Variants in SLIT2 observed in about 807,000 individuals in gnomAD.
SLIT2 encodes slit homolog 2 protein.
In SLIT2, 41 loss-of-function variants were observed where a neutral mutation model predicts 185.7. That is an observed-to-expected ratio of 0.22 (90% CI 0.17 to 0.29). The LOEUF (loss-of-function observed/expected upper bound fraction) is 0.29. Among genes scored for constraint, SLIT2 ranks in the 10% least tolerant of loss-of-function variants. The pLI, the probability that SLIT2 is intolerant of heterozygous loss-of-function variation, is 1.00. For synonymous variants in SLIT2, 693 were observed against 680.2 expected (o/e 1.02, Z -0.29); for missense variants, 1,571 against 1,909.0 (o/e 0.82, Z 3.30).
intron 24 of SLIT2, among the ~76,000 whole-genome samples, chr4:20,549,663 T>G (rs1560186784): frequency 6.6e-6 from 1 of 151,944 alleles, no homozygotes; most frequent in Admixed American, 6.6e-5. Flanking sequence ...CAGATATTAA[T>G]AGGATCTGTT....
At chr4:20,440,881 C>T (rs1252027450) in intron 4 of SLIT2, among the ~76,000 whole-genome samples, 2 of 152,096 alleles carry the variant, frequency 1.3e-5, no homozygotes, top group East Asian at 1.9e-4. Flanking sequence ...GAGGAGTCAT[C>T]GTACCCAAAC....
At chr4:20,561,988 G>C (rs1218640134) in intron 26 of SLIT2, among the ~76,000 whole-genome samples, 2 of 151,638 alleles carry the variant, frequency 1.3e-5, no homozygotes, top group Non-Finnish European at 2.9e-5. Flanking sequence ...TGTAATTTTG[G>C]CTCAGGAAGT....
intron 11 of SLIT2, among the ~76,000 whole-genome samples, chr4:20,515,113 G>A (rs1720087401): frequency 6.6e-6 from 1 of 152,162 alleles, no homozygotes; most frequent in Non-Finnish European, 1.5e-5. Context: ...AGGACACTAG[G>A]TGGCTGTGTT....
At chr4:20,463,622 C>A (rs1232235845) in intron 4 of SLIT2, among the ~76,000 whole-genome samples, 2 of 148,868 alleles carry the variant, frequency 1.3e-5, no homozygotes, top group Non-Finnish European at 3.0e-5. Context: ...CGCCTGTAAT[C>A]CTAGTATTTT....
rs73803873 is a variant in SLIT2 at position 20,318,659 on chromosome 4, A to C, written c.395+49778A>C. 9.0e-3 allele frequency among the ~76,000 whole-genome samples: 1,365 copies of C among 152,072 alleles called. 20 individuals are homozygous for C. Among genetic ancestry groups the C allele is most frequent in the African/African-American group, 0.031 (1,298 of 41,504 alleles). On this transcript the variant is annotated intron_variant, in intron 4 of 36. Coordinates refer to ENST00000504154, the MANE Select transcript of SLIT2 (RefSeq NM_004787.4). ...GTCATTTTTTTTTCCTTCTCAGTTC[A>C]GGCTACTTGGATAATAGCTCACTTT... is the stretch of plus-strand genomic sequence containing the variant.
intron 4 of SLIT2, among the ~76,000 whole-genome samples, chr4:20,427,036 C>T (rs1292606499): frequency 2.0e-5 from 3 of 152,106 alleles, no homozygotes; most frequent in African/African-American, 7.2e-5. Context: ...TATGGTATAG[C>T]TGTCCTGAGC....
chr4:20,608,339 A>G (rs1728946912), intron 33 of SLIT2, among the ~76,000 whole-genome samples: 1 of 152,192 alleles, frequency 6.6e-6, no homozygotes, highest in Admixed American at 6.5e-5. Context: ...TACAGAGTCT[A>G]TATGCTTAAC....
chr4:20,499,751 G>A (rs925408797), intron 9 of SLIT2, among the ~76,000 whole-genome samples: 1 of 152,068 alleles, frequency 6.6e-6, no homozygotes, highest in Non-Finnish European at 1.5e-5. Flanking sequence ...GCCTCCCAAA[G>A]TGCTGGGATT....
chr4:20,434,714 T>C (rs1442017639), intron 4 of SLIT2, among the ~76,000 whole-genome samples: 2 of 152,166 alleles, frequency 1.3e-5, no homozygotes, highest in East Asian at 1.9e-4. Context: ...GATGTTTTAA[T>C]TGGGGGCTGA....
rs147191079 is a variant in SLIT2, at chr4:20,322,486, T to C, written c.395+53605T>C. Among the ~76,000 whole-genome samples, 961 of 152,288 alleles carry C rather than the reference T, an allele frequency of 6.3e-3. 3 individuals carry two copies. Among genetic ancestry groups the C allele is most frequent in the Non-Finnish European group, 8.9e-3 (608 of 68,010 alleles). On this transcript the variant is annotated intron_variant, in intron 4 of 36. Coordinates refer to ENST00000504154, the MANE Select transcript of SLIT2 (RefSeq NM_004787.4). ...ATTTATTTTCCTTTCACTCATAATT[T>C]AGCCCTTTGTGAATGCAGGCTCCTC...
intron 9 of SLIT2, among the ~76,000 whole-genome samples, chr4:20,504,182 G>T (rs906831481): frequency 6.6e-6 from 1 of 152,086 alleles, no homozygotes; most frequent in African/African-American, 2.4e-5. Flanking sequence ...AAGGAATATT[G>T]TCTTCCTCCT....
rs1468192454 is a variant in SLIT2, at chr4:20,549,492, CT to C, written c.2489+365del. Among the ~76,000 whole-genome samples, 9 of 152,042 alleles carry C rather than the reference CT, an allele frequency of 5.9e-5. No individual in the cohort carries two copies. The East Asian group carries it at 1.7e-3, about 29-fold the overall frequency. On this transcript the variant is annotated intron_variant, in intron 24 of 36. Coordinates refer to ENST00000504154, the MANE Select transcript of SLIT2 (RefSeq NM_004787.4). ...TACATAGTATATGAAAACATTTTTA[CT>C]GTGAAATGTCCTTTAAAATATGTGA...
chr4:20,307,827 C>A (rs1717725863), intron 4 of SLIT2, among the ~76,000 whole-genome samples: 1 of 152,074 alleles, frequency 6.6e-6, no homozygotes, highest in African/African-American at 2.4e-5. Flanking sequence ...AGTAACTTGC[C>A]CAAGCTCACA....
chr4:20,467,826 A>G lies in SLIT2; in HGVS notation c.467+3A>G. On this transcript the variant is annotated splice_donor_region_variant and intron_variant, in intron 5 of 36. Transcript: ENST00000504154. The stretch of plus-strand genomic sequence containing the variant: ...GGGGCAGTTGACATAAAAAATTTGT[A>G]AGTATCTATTTTTAAATTTATAGTG... 6.6e-7 allele frequency: 1 copy of G among 1,512,824 alleles called. No individual in the cohort carries two copies. Among genetic ancestry groups the G allele is most frequent in the Non-Finnish European group, 9.1e-7 (1 of 1,100,584 alleles). The allele number at this position is 1,512,824 out of a possible 1,614,324, so 93.7% of individuals were successfully genotyped here.
chr4:20,591,685 T>C (rs756496583), intron 30 of SLIT2, among the ~76,000 whole-genome samples: 2 of 151,808 alleles, frequency 1.3e-5, no homozygotes, highest in Non-Finnish European at 2.9e-5. Context: ...GCTCACAATT[T>C]AATTTGGCAA....
At chr4:20,581,936 G>A (rs1482815455) in intron 29 of SLIT2, among the ~76,000 whole-genome samples, 3 of 152,110 alleles carry the variant, frequency 2.0e-5, no homozygotes, top group South Asian at 2.1e-4. Flanking sequence ...TAGTAGAGAC[G>A]GGGTTTCACC....
intron 16 of SLIT2, among the ~76,000 whole-genome samples, chr4:20,531,425 A>G (rs575834645): frequency 6.6e-6 from 1 of 152,332 alleles, no homozygotes; most frequent in South Asian, 2.1e-4. Flanking sequence ...GAAAATTAGT[A>G]AAAGCAAAAA....
chr4:20,609,163 A>G (rs1729022038), intron 33 of SLIT2, among the ~76,000 whole-genome samples: 1 of 152,126 alleles, frequency 6.6e-6, no homozygotes, highest in African/African-American at 2.4e-5. Context: ...ATTGCACTCA[A>G]CTTCATCTTA....
At chr4:20,598,173 A>G (rs12507257) in intron 32 of SLIT2, 92 bp from the exon 33 acceptor site, 319,370 of 1,225,732 alleles carry the variant, frequency 0.26, 43,104 homozygotes, top group Non-Finnish European at 0.27. Flanking sequence ...AAACCATAGT[A>G]AAACCTGTTC....
Sources: gnomAD v4.1 joint callset for allele counts (sites outside exome capture counted in the v4.1 genomes callset) on GRCh38, gnomAD v4.1.1 for gene constraint, MANE v1.5 for transcripts, NCBI Gene and HGNC (gene_info 2026-07-23, HGNC 2026-07-21) for gene names.